Variants in PIEZO1 observed in about 807,000 individuals in gnomAD.
PIEZO1 encodes the protein piezo-type mechanosensitive ion channel component 1.
A neutral mutation model predicts 297.2 loss-of-function variants in PIEZO1; 296 were observed. That is an observed-to-expected ratio of 1.00 (90% CI 0.91 to 1.10). The LOEUF (loss-of-function observed/expected upper bound fraction) is 1.10, where lower values mean the gene tolerates loss of function less well. Among genes scored for constraint, PIEZO1 ranks in the 50% least tolerant of loss-of-function variants. The pLI, the probability that PIEZO1 is intolerant of heterozygous loss-of-function variation, is 0.00. For missense variants in PIEZO1, 5,018 were observed against 3,455.5 expected (o/e 1.45, Z -11.34); for synonymous variants, 2,427 against 1,507.5 (o/e 1.61, Z -14.13).
intron 44 of PIEZO1, chr16:88,717,824 A>T (rs753471703): frequency 2.3e-6 from 1 of 444,278 alleles, no homozygotes; most frequent in South Asian, 1.6e-5. Flanking sequence ...GAAAAACAGA[A>T]AAAACTCTAA....
intron 39 of PIEZO1, 25 bp from the exon 40 acceptor site, chr16:88,720,773 C>T (rs1912383316): frequency 1.4e-6 from 2 of 1,459,204 alleles, no homozygotes; most frequent in Non-Finnish European, 1.8e-6. Flanking sequence ...TGACTTCTGC[C>T]TGGGCCCCCT....
rs753642385 is a variant in PIEZO1, at chr16:88,721,669, C to T, written c.5272G>A (p.Val1758Met). ...QFGFFPWNSH[V>M]VLRRYENKPY... ...TTGTTCTCGTAGCGCCGCAGCACCA[C>T]GTGGCTGTTCCAGGGGAAGAACCCA... The change falls in exon 38 of 51, where the codon GTG becomes ATG. Residue 1758 changes from valine to methionine, a missense_variant. Transcript: ENST00000301015. The T allele has an allele frequency of 9.0e-6, 14 of 1,549,804 alleles. No homozygotes were observed. The highest frequency in any genetic ancestry group is 7.1e-5 in the South Asian group (6 of 84,052).
chr16:88,726,227 T>C (rs1904419031), intron 27 of PIEZO1, 57 bp downstream of exon 27: 5 of 1,430,798 alleles, frequency 3.5e-6, no homozygotes, highest in Admixed American at 4.5e-5. Context: ...GAACCTCCCA[T>C]TGCCCCCTCC....
intron 23 of PIEZO1, 91 bp from the exon 24 acceptor site, chr16:88,727,283 C>T (rs966490459): frequency 3.1e-5 from 42 of 1,366,602 alleles, no homozygotes; most frequent in South Asian, 7.4e-5. Flanking sequence ...CCAGGCCTGT[C>T]GGCGTGCAGC....
chr16:88,732,256 C>T (rs905213538), intron 21 of PIEZO1, 79 bp downstream of exon 21: 11 of 1,281,198 alleles, frequency 8.6e-6, no homozygotes, highest in East Asian at 2.5e-5. Context: ...GCCAGGCTTG[C>T]GGTGCCTGCA....
chr16:88,716,785 C>G (rs895464235), intron 46 of PIEZO1, 21 bp downstream of exon 46: 3 of 1,549,638 alleles, frequency 1.9e-6, no homozygotes. Flanking sequence ...CACCAGCTTT[C>G]ACAGGGCAGA....
chr16:88,740,745 G>A (rs1905588625), intron 5 of PIEZO1: 1 of 152,418 alleles, frequency 6.6e-6, no homozygotes, highest in Admixed American at 6.5e-5. Context: ...CTGACGAGTG[G>A]GCACTGGGAG....
rs1343289683 is a variant in PIEZO1 at position 88,715,823 on chromosome 16, C to G, written c.7348G>C (p.Val2450Leu). Residue 2450 changes from valine (V) to leucine (L), a missense_variant, in exon 51 of 51, where the codon GTC becomes CTC. By Grantham distance (32) the Val-to-Leu change is conservative. Transcript: ENST00000301015. ...IMGLYVSIVLVIGKFVRGFFS... is the reference protein window; with the variant it reads ...IMGLYVSIVLLIGKFVRGFFS... Reference sequence around the variant, plus strand: ...AATCCGCGCACGAACTTGCCGATGACCAGCACGATGGACACGTACAGCCCC... The same window carrying G: ...AATCCGCGCACGAACTTGCCGATGAGCAGCACGATGGACACGTACAGCCCC... 5 of 1,550,278 alleles carry G rather than the reference C, an allele frequency of 3.2e-6. No individual in the cohort carries two copies. The Middle Eastern group carries it at 5.0e-4, about 155-fold the overall frequency.
At position 88,742,633 on chromosome 16, in the gene PIEZO1, C is replaced by G. The variant is rs55905441; in HGVS notation, c.161-211G>C. 0.5 allele frequency: 280,776 copies of G among 557,306 alleles called. 72,636 individuals are homozygous for G. The highest frequency in any genetic ancestry group is 0.62 in the Middle Eastern group (1,291 of 2,082). The allele number at this position is 557,306 out of a possible 1,614,324, so 34.5% of individuals were successfully genotyped here. A position where few individuals can be genotyped will look rare whatever the true frequency, so the allele number is the denominator to read the frequency against. ...CTCTTGTCACAAGGAGCCGGGCATC[C>G]TCCTGGGGGTGGCAGCAGGATGGGC... On this transcript the variant is annotated intron_variant, in intron 2 of 50. Transcript: ENST00000301015.
At chr16:88,775,523 G>A (rs375370360) in intron 1 of PIEZO1, among the ~76,000 whole-genome samples, 1 of 152,286 alleles carries the variant, frequency 6.6e-6, no homozygotes, top group African/African-American at 2.4e-5. Context: ...AAGGTCAGGA[G>A]TTTGAGACCA....
rs1173763659 is a variant in PIEZO1 at position 88,717,217 on chromosome 16, G to A, written c.6472-6C>T. ...CCTTTGGGCTGCGGGTATTTCTGGA[G>A]GGGAACGACACAGGTCATACGCTCA... On this transcript the variant is annotated splice_region_variant and splice_polypyrimidine_tract_variant and intron_variant, in intron 44 of 50. Transcript: ENST00000301015. 1 of 1,547,112 alleles carries A rather than the reference G, an allele frequency of 6.5e-7. No individual in the cohort carries two copies. Among genetic ancestry groups the A allele is most frequent in the Non-Finnish European group, 8.7e-7 (1 of 1,146,782 alleles).
Position 88,716,902 on chromosome 16 carries a change from G to A in PIEZO1, c.6661-4C>T. 2 of 1,549,518 alleles carry A rather than the reference G, an allele frequency of 1.3e-6. No homozygotes were observed. The highest frequency in any genetic ancestry group is 1.7e-4 in the Middle Eastern group (1 of 5,988). On this transcript the variant is annotated splice_region_variant and splice_polypyrimidine_tract_variant and intron_variant, in intron 45 of 50. Coordinates refer to ENST00000301015, the MANE Select transcript of PIEZO1 (RefSeq NM_001142864.4). The stretch of plus-strand genomic sequence containing the variant: ...GGGCGCTCATGGTGAACAGCGGCTG[G>A]GGCAGGCACGGGGACACGGGGCCAC...
chr16:88,742,905 G>T (rs577731073), intron 2 of PIEZO1: 21 of 372,176 alleles, frequency 5.6e-5, no homozygotes, highest in South Asian at 3.9e-4. Flanking sequence ...GGAGAAAAGT[G>T]GGGCAGGCAG....
At chr16:88,738,827 C>A in intron 5 of PIEZO1, 91 bp from the exon 6 acceptor site, 1 of 1,185,618 alleles carries the variant, frequency 8.4e-7, no homozygotes, top group Non-Finnish European at 1.2e-6. Context: ...GCGTGGGAGG[C>A]GGCCACATCC....
At chr16:88,784,803 G>A in intron 1 of PIEZO1, 98 bp downstream of exon 1, 3 of 874,480 alleles carry the variant, frequency 3.4e-6, no homozygotes, top group African/African-American at 1.8e-5. Context: ...CCGCTCGCCC[G>A]CAGCCCTCGC....
rs112152503 is a variant in PIEZO1, at chr16:88,774,015, C to G, written c.64+10886G>C. Among the ~76,000 whole-genome samples, 588 of 152,310 alleles carry G rather than the reference C, an allele frequency of 3.9e-3. 2 individuals are homozygous for G. The highest frequency in any genetic ancestry group is 0.012 in the African/African-American group (509 of 41,568). ...CTGACCTTCAGAGATTGGGGCCCCT[C>G]CAGGCCTCCCTCTCCCCTGGCTTGG... On this transcript the variant is annotated intron_variant, in intron 1 of 50. Coordinates refer to ENST00000301015, the MANE Select transcript of PIEZO1 (RefSeq NM_001142864.4).
At chr16:88,769,127 G>A (rs1016938309) in intron 1 of PIEZO1, among the ~76,000 whole-genome samples, 6 of 152,206 alleles carry the variant, frequency 3.9e-5, no homozygotes, top group East Asian at 1.9e-4. Context: ...ATTTGCACAC[G>A]CATAATGAGG....
At position 88,721,197 on chromosome 16, in the gene PIEZO1, CTCCTTCT is replaced by C; in HGVS notation, c.5630_5636del (p.Lys1877ArgfsTer42). 1.3e-6 allele frequency: 2 copies of C among 1,498,434 alleles called. No individual in the cohort carries two copies. The highest frequency in any genetic ancestry group is 4.9e-5 in the East Asian group (2 of 40,584). 92.8% of individuals were successfully genotyped at this position (1,498,434 alleles called of 1,614,324 possible). On this transcript the variant is annotated frameshift_variant, in exon 39 of 51. Transcript: ENST00000301015. LOFTEE classifies it high-confidence loss of function. ...CTGCCGCTCCTTTCCGTGCTGGGCCCTCCTTCTTCCTTCTTCTAAAACGTAGACTGAT... is the reference window on the plus strand; with the variant it reads ...CTGCCGCTCCTTTCCGTGCTGGGCCCTCCTTCTTCTAAAACGTAGACTGAT...
At chr16:88,777,614 T>C (rs115283886) in intron 1 of PIEZO1, among the ~76,000 whole-genome samples, 96 of 152,290 alleles carry the variant, frequency 6.3e-4, no homozygotes, top group African/African-American at 2.2e-3. Flanking sequence ...TTTTCAAAAC[T>C]CCCTTTCATG....
Sources: allele counts gnomAD v4.1 joint callset (sites outside exome capture counted in the v4.1 genomes callset), GRCh38; gene constraint gnomAD v4.1.1; transcripts MANE v1.5; gene names NCBI Gene and HGNC (gene_info 2026-07-23, HGNC 2026-07-21).